The following TRAPPC10 variants were observed in gnomAD, a reference collection of about 807,000 sequenced individuals.
TRAPPC10 encodes the protein trafficking protein particle complex subunit 10.
Under a neutral mutation model 125.5 loss-of-function variants are expected in TRAPPC10, and 23 were observed. That is an observed-to-expected ratio of 0.18 (90% CI 0.13 to 0.26). The LOEUF (loss-of-function observed/expected upper bound fraction) is 0.26. Ranked by LOEUF, TRAPPC10 falls within the 10% of genes least tolerant of loss-of-function variation. The probability of loss-of-function intolerance (pLI) is 1.00; values close to 1 mark genes in which losing one functional copy is unlikely to be tolerated. For missense variants in TRAPPC10, 1,123 were observed against 1,308.4 expected (o/e 0.86, Z 2.19); for synonymous variants, 509 against 518.0 (o/e 0.98, Z 0.24).
chr21:44,053,181 G>A lies in TRAPPC10; in HGVS notation c.482+705G>A, dbSNP rs1284240199. On this transcript the variant is annotated intron_variant, in intron 4 of 22. Coordinates refer to ENST00000291574, the MANE Select transcript of TRAPPC10 (RefSeq NM_003274.5). ...TGGTCACCATGCTTATGGTGGCGAG[G>A]GTTCAGATGGAGGTACATGCTCATT... is the stretch of plus-strand genomic sequence containing the variant. Among the ~76,000 whole-genome samples the A allele has an allele frequency of 4.6e-5, 7 of 152,206 alleles. No homozygotes were observed. The East Asian group carries it at 1.3e-3, about 29-fold the overall frequency.
intron 3 of TRAPPC10, among the ~76,000 whole-genome samples, chr21:44,038,913 C>T (rs983641944): frequency 1.3e-5 from 2 of 152,176 alleles, no homozygotes; most frequent in Admixed American, 6.5e-5. Flanking sequence ...AGATTTCCAC[C>T]GGGGAAGCCT....
chr21:44,031,937 C>T (rs916898940), intron 1 of TRAPPC10, among the ~76,000 whole-genome samples, 154 bp from the exon 2 acceptor site: 2 of 152,172 alleles, frequency 1.3e-5, no homozygotes, highest in African/African-American at 2.4e-5. Flanking sequence ...TTTCCTGAGA[C>T]GTGTTATGTA....
intron 2 of TRAPPC10, among the ~76,000 whole-genome samples, chr21:44,033,658 C>T (rs550863119): frequency 6.6e-6 from 1 of 152,084 alleles, no homozygotes; most frequent in African/African-American, 2.4e-5. Context: ...CCTAGGAGTT[C>T]AAGACCGGCC....
chr21:44,093,009 C>T (rs1474846508), intron 19 of TRAPPC10, among the ~76,000 whole-genome samples: 1 of 151,954 alleles, frequency 6.6e-6, no homozygotes, highest in Non-Finnish European at 1.5e-5. Flanking sequence ...GTTGGTCAGG[C>T]TGGTCTTCAA....
chr21:44,064,653 G>T (rs548976437), intron 7 of TRAPPC10, among the ~76,000 whole-genome samples: 1 of 152,296 alleles, frequency 6.6e-6, no homozygotes, highest in African/African-American at 2.4e-5. Flanking sequence ...TAGGTCTGAA[G>T]AGTATAAGCC....
At chr21:44,041,801 A>C (rs2145755888) in intron 3 of TRAPPC10, among the ~76,000 whole-genome samples, 1 of 152,172 alleles carries the variant, frequency 6.6e-6, no homozygotes, top group Middle Eastern at 3.4e-3. Context: ...TTCTCGACTC[A>C]CTGCAACCTC....
At chr21:44,025,208 C>T (rs1245482513) in intron 1 of TRAPPC10, among the ~76,000 whole-genome samples, 1 of 152,212 alleles carries the variant, frequency 6.6e-6, no homozygotes, top group African/African-American at 2.4e-5. Flanking sequence ...GCTGATGCTG[C>T]CTCAGCTCCC....
intron 19 of TRAPPC10, among the ~76,000 whole-genome samples, chr21:44,092,895 C>A (rs2038683800): frequency 6.6e-6 from 1 of 152,130 alleles, no homozygotes; most frequent in South Asian, 2.1e-4. Flanking sequence ...CTCCTGGGTT[C>A]AAGCGATTCT....
At chr21:44,075,213 G>A (rs2037189290) in intron 9 of TRAPPC10, 60 bp downstream of exon 9, 2 of 1,277,534 alleles carry the variant, frequency 1.6e-6, no homozygotes, top group Admixed American at 3.7e-5. Context: ...AATGTCCTTT[G>A]CAAGTTGGCA....
intron 3 of TRAPPC10, among the ~76,000 whole-genome samples, chr21:44,045,998 C>T (rs1200565056): frequency 6.6e-6 from 1 of 151,224 alleles, no homozygotes; most frequent in Non-Finnish European, 1.5e-5. Context: ...CTTTATTGAG[C>T]ATATCCACCG....
intron 7 of TRAPPC10, 130 bp from the exon 8 acceptor site, chr21:44,074,194 C>T (rs1490782760): frequency 9.1e-7 from 1 of 1,104,352 alleles, no homozygotes; most frequent in African/African-American, 1.6e-5. Context: ...CTGCATATCA[C>T]AGAACTGTTA....
At chr21:44,055,644 C>T (rs935482512) in intron 4 of TRAPPC10, 54 bp from the exon 5 acceptor site, 8 of 1,392,632 alleles carry the variant, frequency 5.7e-6, no homozygotes, top group East Asian at 4.6e-5. Context: ...GCTGCTGAGT[C>T]GTGGTGCTGT....
chr21:44,060,947 C>CACACACT (rs1555945307), intron 6 of TRAPPC10, among the ~76,000 whole-genome samples: 1 of 143,556 alleles, frequency 7.0e-6, no homozygotes, highest in African/African-American at 2.6e-5. Flanking sequence ...CACACACACA[C>CACACACT]TTTTTTTTTG....
intron 3 of TRAPPC10, among the ~76,000 whole-genome samples, chr21:44,051,852 A>AGCCAGCTT (rs1363734301): frequency 6.6e-6 from 1 of 152,220 alleles, no homozygotes; most frequent in African/African-American, 2.4e-5. Flanking sequence ...GTGCCATGAC[A>AGCCAGCTT]GCCAGCTTGC....
At chr21:44,041,992 A>G (rs950529112) in intron 3 of TRAPPC10, among the ~76,000 whole-genome samples, 1 of 152,172 alleles carries the variant, frequency 6.6e-6, no homozygotes, top group Non-Finnish European at 1.5e-5. Context: ...GATTACAGGC[A>G]TGAACCACGG....
intron 15 of TRAPPC10, among the ~76,000 whole-genome samples, chr21:44,084,683 C>T (rs891758431): frequency 2.0e-5 from 3 of 152,122 alleles, no homozygotes; most frequent in African/African-American, 7.2e-5. Context: ...CTGGAGCTGG[C>T]GTCAGACACC....
Position 44,053,418 on chromosome 21 carries a change from T to A in TRAPPC10, c.482+942T>A, listed in dbSNP as rs144974685. On this transcript the variant is annotated intron_variant, in intron 4 of 22. Transcript: ENST00000291574. ...ACAAACAATAAATGCATTTCCAGAC[T>A]CTCAGTGTTAGTGAGTGGATAATAT... Among the ~76,000 whole-genome samples, 424 of 152,332 alleles carry A rather than the reference T, an allele frequency of 2.8e-3. 1 individual carries two copies. The highest frequency in any genetic ancestry group is 0.014 in the Middle Eastern group (4 of 294).
intron 5 of TRAPPC10, among the ~76,000 whole-genome samples, chr21:44,056,724 A>G (rs1288155658): frequency 6.6e-6 from 1 of 152,200 alleles, no homozygotes; most frequent in Admixed American, 6.5e-5. Context: ...GACAGACTGC[A>G]GGGGCTGAAG....
At chr21:44,039,542 G>A (rs1211093564) in intron 3 of TRAPPC10, among the ~76,000 whole-genome samples, 7 of 152,288 alleles carry the variant, frequency 4.6e-5, no homozygotes, top group Non-Finnish European at 1.0e-4. Context: ...CACCCTTTAC[G>A]CAGACAGAGC....
Sources: gnomAD v4.1 joint callset for allele counts (sites outside exome capture counted in the v4.1 genomes callset) on GRCh38, gnomAD v4.1.1 for gene constraint, MANE v1.5 for transcripts, NCBI Gene and HGNC (gene_info 2026-07-23, HGNC 2026-07-21) for gene names.